Variants in PPP1R9A observed in about 807,000 individuals in gnomAD.
PPP1R9A encodes the protein neurabin-1.
A neutral mutation model predicts 141.9 loss-of-function variants in PPP1R9A; 59 were observed. The ratio of observed to expected loss-of-function variants is 0.42; its 90% CI spans 0.34 to 0.52. The LOEUF is 0.52. Among genes scored for constraint, PPP1R9A ranks in the 20% least tolerant of loss-of-function variants. The pLI, the probability that PPP1R9A is intolerant of heterozygous loss-of-function variation, is 0.10. For synonymous variants in PPP1R9A, 500 were observed against 569.7 expected, an observed-to-expected ratio of 0.88 and a Z score of 1.74; for missense variants, 1,444 against 1,611.9, an observed-to-expected ratio of 0.90 and a Z score of 1.78.
At chr7:95,083,930 A>G (rs1816270688) in intron 2 of PPP1R9A, among the ~76,000 whole-genome samples, 1 of 152,058 alleles carries the variant, frequency 6.6e-6, no homozygotes, top group Non-Finnish European at 1.5e-5. Context: ...ATTGCTTAAA[A>G]TCAGTGAATA....
intron 4 of PPP1R9A, among the ~76,000 whole-genome samples, chr7:95,121,732 C>T (rs55905936): frequency 0.086 from 13,118 of 152,014 alleles, 750 homozygotes; most frequent in East Asian, 0.17. Context: ...TGAGTCATCC[C>T]GTGGCAAAAG....
chr7:95,056,103 A>G (rs1211308069), intron 2 of PPP1R9A, among the ~76,000 whole-genome samples: 2 of 152,156 alleles, frequency 1.3e-5, no homozygotes, highest in African/African-American at 4.8e-5. Flanking sequence ...TACTATTAGC[A>G]ATATTAATTT....
At chr7:95,276,439 G>GC (rs1164277482) in intron 16 of PPP1R9A, among the ~76,000 whole-genome samples, 17 of 152,188 alleles carry the variant, frequency 1.1e-4, no homozygotes, top group African/African-American at 3.4e-4. Context: ...GTCGATGCCT[G>GC]CTTTGAACCC....
intron 2 of PPP1R9A, among the ~76,000 whole-genome samples, chr7:95,070,998 A>G (rs1197610281): frequency 2.0e-5 from 3 of 151,990 alleles, no homozygotes; most frequent in African/African-American, 7.2e-5. Context: ...TCAAGGGGAA[A>G]AAGAGGAGAC....
chr7:94,921,548 A>G (rs1243782635), intron 2 of PPP1R9A, among the ~76,000 whole-genome samples: 1 of 152,074 alleles, frequency 6.6e-6, no homozygotes, highest in Non-Finnish European at 1.5e-5. Context: ...TTGTTTTGTA[A>G]AGGAAGAGAA....
intron 4 of PPP1R9A, among the ~76,000 whole-genome samples, chr7:95,158,000 C>A (rs977053589): frequency 3.9e-5 from 6 of 152,158 alleles, no homozygotes; most frequent in African/African-American, 1.2e-4. Flanking sequence ...AGCAAAGGAT[C>A]AAGAATGACT....
intron 12 of PPP1R9A, among the ~76,000 whole-genome samples, chr7:95,255,977 T>C (rs1250063053): frequency 6.6e-6 from 1 of 152,144 alleles, no homozygotes; most frequent in Non-Finnish European, 1.5e-5. Context: ...TGCTACCAAG[T>C]GCTGCTTCAT....
intron 2 of PPP1R9A, among the ~76,000 whole-genome samples, chr7:95,060,303 A>G (rs1584483131): frequency 1.3e-5 from 2 of 152,210 alleles, no homozygotes; most frequent in East Asian, 3.9e-4. Context: ...CCTCTCCGAC[A>G]GTGGAAGCTT....
intron 6 of PPP1R9A, among the ~76,000 whole-genome samples, chr7:95,200,802 T>C (rs1326182343): frequency 6.6e-6 from 1 of 152,216 alleles, no homozygotes; most frequent in African/African-American, 2.4e-5. Context: ...AAGGTGTCTT[T>C]CTTACATGAT....
At chr7:95,126,980 C>G (rs1823667972) in intron 4 of PPP1R9A, among the ~76,000 whole-genome samples, 1 of 152,032 alleles carries the variant, frequency 6.6e-6, no homozygotes, top group African/African-American at 2.4e-5. Context: ...CCTCATCTCT[C>G]ACCCAACCCT....
chr7:95,141,440 C>G (rs1032783792), intron 4 of PPP1R9A, among the ~76,000 whole-genome samples: 4 of 152,144 alleles, frequency 2.6e-5, no homozygotes, highest in African/African-American at 9.7e-5. Context: ...CATCACAATT[C>G]ATTTTAGAAT....
rs977128726 is a variant in PPP1R9A at position 95,276,731 on chromosome 7, C to T, written c.3296+2563C>T. Among the ~76,000 whole-genome samples, 4 of 151,674 alleles carry T rather than the reference C, an allele frequency of 2.6e-5. No homozygotes were observed. In the East Asian group the frequency reaches 7.7e-4, roughly 29 times the overall value. On this transcript the variant is annotated intron_variant, in intron 16 of 19. Transcript: ENST00000433360. Reference sequence around the variant, plus strand: ...ATTAGTAATTATAGTAGAATTTTGGCAGGATGGAAAGGAATTCATATAATT... The same window carrying T: ...ATTAGTAATTATAGTAGAATTTTGGTAGGATGGAAAGGAATTCATATAATT...
chr7:95,217,164 G>T (rs1317328955), intron 7 of PPP1R9A, among the ~76,000 whole-genome samples: 1 of 152,144 alleles, frequency 6.6e-6, no homozygotes, highest in Non-Finnish European at 1.5e-5. Context: ...TTCATTGAGA[G>T]TTTTTAGCAT....
At chr7:94,921,694 A>G (rs1270478705) in intron 2 of PPP1R9A, among the ~76,000 whole-genome samples, 1 of 152,124 alleles carries the variant, frequency 6.6e-6, no homozygotes, top group Non-Finnish European at 1.5e-5. Context: ...ATCTACCATT[A>G]CCTAGAATGT....
At chr7:95,219,139 C>G (rs559236124) in intron 7 of PPP1R9A, among the ~76,000 whole-genome samples, 5 of 152,230 alleles carry the variant, frequency 3.3e-5, no homozygotes, top group Non-Finnish European at 7.4e-5. Flanking sequence ...ATGCTTCCTT[C>G]AGGAGCTCTT....
At chr7:95,087,938 G>A (rs1424119237) in intron 2 of PPP1R9A, among the ~76,000 whole-genome samples, 2 of 151,524 alleles carry the variant, frequency 1.3e-5, no homozygotes, top group African/African-American at 2.4e-5. Flanking sequence ...ATCATGAAAG[G>A]GAATTCTGTT....
chr7:95,146,398 C>T (rs1276406802), intron 4 of PPP1R9A, among the ~76,000 whole-genome samples: 1 of 151,968 alleles, frequency 6.6e-6, no homozygotes, highest in Admixed American at 6.6e-5. Flanking sequence ...GGATATTAGC[C>T]CTTTGTCAGA....
intron 7 of PPP1R9A, among the ~76,000 whole-genome samples, chr7:95,204,724 ACACCACACATACCCACACACACC>A (rs1302069318): frequency 8.4e-5 from 12 of 142,540 alleles, no homozygotes; most frequent in Non-Finnish European, 1.5e-4. Flanking sequence ...CACCACACTC[ACACCACACATACCCACACACACC>A]CACCACACAT....
At position 95,292,131 on chromosome 7, in the gene PPP1R9A, TTA is replaced by T. The variant is rs1806444862; in HGVS notation, c.*1830_*1831del. 1 of 152,162 alleles carries T rather than the reference TTA, an allele frequency of 6.6e-6. No homozygotes were observed. The highest frequency in any genetic ancestry group is 2.1e-4 in the South Asian group (1 of 4,836). 9.4% of individuals were successfully genotyped at this position (152,162 alleles called of 1,614,324 possible). On this transcript the variant is annotated 3_prime_UTR_variant, in exon 20 of 20. Coordinates refer to ENST00000433360, the MANE Select transcript of PPP1R9A (RefSeq NM_001166160.2). ...TGTTTTACAGTTATCAAAGTCACCA[TTA>T]TGTTTTTCTGTCTGTCTTCATTAGG...
Sources: allele counts gnomAD v4.1 joint callset (sites outside exome capture counted in the v4.1 genomes callset), GRCh38; gene constraint gnomAD v4.1.1; transcripts MANE v1.5; gene names NCBI Gene and HGNC (gene_info 2026-07-23, HGNC 2026-07-21).